NCOA4: variants seen among roughly 807,000 people sequenced by gnomAD.
NCOA4 encodes nuclear receptor coactivator 4.
NCOA4 carries 31 observed loss-of-function variants against 69.5 expected under a neutral mutation model. That is an observed-to-expected ratio of 0.45 (90% CI 0.34 to 0.60). The LOEUF is 0.60. Ranked by LOEUF, NCOA4 falls within the 20% of genes least tolerant of loss-of-function variation. NCOA4 has a pLI of 0.02. For synonymous variants in NCOA4, 228 were observed against 252.4 expected (o/e 0.90, Z 0.92); for missense variants, 600 against 719.2 (o/e 0.83, Z 1.90).
chr10:46,013,002 C>T lies in NCOA4; in HGVS notation c.595G>A (p.Val199Ile). The T allele has an allele frequency of 1.2e-6, 2 of 1,614,072 alleles. No individual in the cohort carries two copies. The highest frequency in any genetic ancestry group is 1.3e-5 in the African/African-American group (1 of 75,024). ...CCAAGGAGCCATTCGCTGAAAGGGACAGCTACAATACCGGATGCTGACTTC... is the reference window on the plus strand; with the variant it reads ...CCAAGGAGCCATTCGCTGAAAGGGATAGCTACAATACCGGATGCTGACTTC... ...EQKSASGIVA[V>I]PFSEWLLGSK... The change falls in exon 7 of 10, where the codon GTC (valine) becomes ATC (isoleucine). Residue 199 changes from valine to isoleucine, a missense_variant. Val to Ile is a conservative substitution (Grantham distance 29). Transcript: ENST00000581486.
chr10:46,012,098 A>AAAACG (rs1554921828), intron 7 of NCOA4, among the ~76,000 whole-genome samples: 2 of 133,428 alleles, frequency 1.5e-5, no homozygotes, highest in African/African-American at 5.8e-5. Context: ...AAAAAAAAAA[A>AAAACG]AAAAACGAAA....
In NCOA4 at chr10:46,012,070, G is replaced by GAAAAAAAAAAAAAAAAAAAAAAA. The variant is rs71026286; in HGVS notation, c.714+790_714+812dup. Among the ~76,000 whole-genome samples the GAAAAAAAAAAAAAAAAAAAAAAA allele has an allele frequency of 6.5e-4, 29 of 44,536 alleles. 5 individuals are homozygous for GAAAAAAAAAAAAAAAAAAAAAAA. The highest frequency in any genetic ancestry group is 1.1e-3 in the African/African-American group (14 of 12,980). 29.2% of individuals were successfully genotyped at this position (44,536 alleles called of 152,430 possible). The stretch of plus-strand genomic sequence containing the variant: ...AGCAAGACTCGGTCTCAAAAAGAAA[G>GAAAAAAAAAAAAAAAAAAAAAAA]AAAAAAAAAAAAAAAAAAAAAAAAA... On this transcript the variant is annotated intron_variant, in intron 7 of 9. Transcript: ENST00000581486.
rs1554921429 is a variant in NCOA4, at chr10:46,011,146, T to C, written c.775A>G (p.Asn259Asp). The change falls in exon 8 of 10, where the codon AAC (asparagine) becomes GAC (aspartate). Residue 259 changes from asparagine (N) to aspartate (D), a missense_variant. Asn to Asp is a conservative substitution (Grantham distance 23). Coordinates refer to ENST00000581486, the MANE Select transcript of NCOA4 (RefSeq NM_001145263.2). ...NVGGNLKGLENWLLKSEKSSY... is the reference protein window; with the variant it reads ...NVGGNLKGLEDWLLKSEKSSY... Reference sequence around the variant, plus strand: ...GATTTTTCACTCTTGAGGAGCCAGTTTTCTAAGCCCTTTAGGTTTCCCCCG... The same window carrying C: ...GATTTTTCACTCTTGAGGAGCCAGTCTTCTAAGCCCTTTAGGTTTCCCCCG... 6.2e-7 allele frequency: 1 copy of C among 1,612,128 alleles called. No homozygotes were observed. The highest frequency in any genetic ancestry group is 8.5e-7 in the Non-Finnish European group (1 of 1,179,308).
intron 1 of NCOA4, among the ~76,000 whole-genome samples, chr10:46,025,755 T>A (rs1840127549): frequency 2.0e-5 from 3 of 152,246 alleles, no homozygotes; most frequent in Admixed American, 6.5e-5. Flanking sequence ...CCCTCCTGCA[T>A]TACCACTGTA....
intron 6 of NCOA4, among the ~76,000 whole-genome samples, 188 bp from the exon 7 acceptor site, chr10:46,013,214 T>C (rs1839338771): frequency 6.6e-6 from 1 of 152,176 alleles, no homozygotes; most frequent in East Asian, 1.9e-4. Flanking sequence ...AACTAAAACA[T>C]ATAGAAACCT....
At position 46,027,410 on chromosome 10, in the gene NCOA4, T is replaced by C. The variant is rs1396544527; in HGVS notation, c.-15+3116A>G. On this transcript the variant is annotated intron_variant, in intron 1 of 9. Transcript: ENST00000581486. ...TGGCAGCTCCTCTAACTGACATGCA[T>C]GGAGATAGTATTAATGCCTACCAGC... 3.2e-6 allele frequency: 5 copies of C among 1,549,680 alleles called. No individual in the cohort carries two copies. The East Asian group carries it at 1.2e-4, about 38-fold the overall frequency.
chr10:46,012,088 A>AAAAAAAAAAAAAAAAG (rs1839259918), intron 7 of NCOA4, among the ~76,000 whole-genome samples: 1 of 139,100 alleles, frequency 7.2e-6, no homozygotes, highest in Non-Finnish European at 1.5e-5. Flanking sequence ...AAAAAAAAAA[A>AAAAAAAAAAAAAAAAG]AAAAAAAAAA....
chr10:46,021,828 G>A (rs1399919751), intron 1 of NCOA4, among the ~76,000 whole-genome samples: 8 of 152,084 alleles, frequency 5.3e-5, no homozygotes, highest in African/African-American at 7.2e-5. Context: ...GCGTGGTGGC[G>A]CATGCCTGTA....
intron 1 of NCOA4, among the ~76,000 whole-genome samples, chr10:46,023,965 C>G (rs1840034448): frequency 1.3e-5 from 2 of 152,134 alleles, no homozygotes; most frequent in Non-Finnish European, 2.9e-5. Flanking sequence ...TTGCTGTTGT[C>G]TATGCATATA....
chr10:46,021,638 A>G (rs925365382), intron 1 of NCOA4, among the ~76,000 whole-genome samples: 7 of 152,338 alleles, frequency 4.6e-5, no homozygotes, highest in African/African-American at 1.7e-4. Context: ...ACAATTGTTC[A>G]GAATCTTCTG....
At chr10:46,026,316 C>G (rs570439852) in intron 1 of NCOA4, among the ~76,000 whole-genome samples, 1 of 152,182 alleles carries the variant, frequency 6.6e-6, no homozygotes, top group Non-Finnish European at 1.5e-5. Context: ...GCTGCCAGAA[C>G]CACAAAGCTC....
intron 1 of NCOA4, among the ~76,000 whole-genome samples, chr10:46,029,614 G>T (rs1840348570): frequency 6.6e-6 from 1 of 152,146 alleles, no homozygotes. Context: ...TTACTGTGGT[G>T]AACCCGACCC....
chr10:46,027,455 T>G (rs1319997841), intron 1 of NCOA4: 6 of 1,551,430 alleles, frequency 3.9e-6, no homozygotes, highest in African/African-American at 1.4e-5. Flanking sequence ...AGTGGTCAAC[T>G]GGGCCCCCAT....
At chr10:46,021,269 C>T (rs1321329882) in intron 1 of NCOA4, among the ~76,000 whole-genome samples, 1 of 152,114 alleles carries the variant, frequency 6.6e-6, no homozygotes, top group Non-Finnish European at 1.5e-5. Context: ...TGAAAAATAG[C>T]TCCTCACAAG....
intron 7 of NCOA4, among the ~76,000 whole-genome samples, chr10:46,012,277 G>A (rs1431733845): frequency 6.6e-6 from 1 of 152,002 alleles, no homozygotes; most frequent in Non-Finnish European, 1.5e-5. Flanking sequence ...GCAACTTCCT[G>A]GGAAGCCAAA....
At chr10:46,014,355 A>G in intron 5 of NCOA4, 89 bp downstream of exon 5, 1 of 928,172 alleles carries the variant, frequency 1.1e-6, no homozygotes, top group South Asian at 1.5e-5. Flanking sequence ...AATTCTCAAG[A>G]AAGTCACTAT....
rs1554919835 is a variant in NCOA4 at position 46,006,598 on chromosome 10, C to T, written c.1840-1G>A. Reference sequence around the variant, plus strand: ...TCAACTCTTGTCCATTCCTTCACATCTGTAAAGAGACACCCACAGATGATA... The same window carrying T: ...TCAACTCTTGTCCATTCCTTCACATTTGTAAAGAGACACCCACAGATGATA... On this transcript the variant is annotated splice_acceptor_variant, in intron 9 of 9. Transcript: ENST00000581486. LOFTEE classifies it high-confidence loss of function. 2 of 1,614,070 alleles carry T rather than the reference C, an allele frequency of 1.2e-6. No individual in the cohort carries two copies. Among genetic ancestry groups the T allele is most frequent in the Admixed American group, 1.7e-5 (1 of 60,026 alleles).
chr10:46,008,830 A>G (rs868936541), intron 9 of NCOA4, among the ~76,000 whole-genome samples: 2 of 152,354 alleles, frequency 1.3e-5, no homozygotes, highest in East Asian at 1.9e-4. Context: ...AGCCATCCCA[A>G]CCTTCAAGCA....
chr10:46,021,565 C>G (rs1482564847), intron 1 of NCOA4, among the ~76,000 whole-genome samples: 1 of 152,232 alleles, frequency 6.6e-6, no homozygotes, highest in Admixed American at 6.5e-5. Context: ...CAATGGATTA[C>G]TATTGAAATA....
Sources: allele counts gnomAD v4.1 joint callset (sites outside exome capture counted in the v4.1 genomes callset), GRCh38; gene constraint gnomAD v4.1.1; transcripts MANE v1.5; gene names NCBI Gene and HGNC (gene_info 2026-07-23, HGNC 2026-07-21).